The following GRIN2B variants were observed in gnomAD, a reference collection of about 807,000 sequenced individuals.
GRIN2B encodes the protein glutamate receptor ionotropic, NMDA 2B.
GRIN2B carries 5 observed loss-of-function variants against 114.5 expected under a neutral mutation model. That is an observed-to-expected ratio of 0.04 (90% CI 0.02 to 0.09). The LOEUF is 0.09. Ranked by LOEUF, GRIN2B falls within the 10% of genes least tolerant of loss-of-function variation. The pLI is 1.00. For missense variants in GRIN2B, 1,108 were observed against 1,943.5 expected (o/e 0.57, Z 8.08); for synonymous variants, 787 against 745.1 (o/e 1.06, Z -0.92).
chr12:13,600,777 G>A (rs1187507570), intron 10 of GRIN2B, among the ~76,000 whole-genome samples: 1 of 152,172 alleles, frequency 6.6e-6, no homozygotes, highest in South Asian at 2.1e-4. Context: ...AAAAGGCCTC[G>A]TAGAAGGTAG....
chr12:13,600,193 C>T (rs1351395329), intron 10 of GRIN2B, among the ~76,000 whole-genome samples: 2 of 152,074 alleles, frequency 1.3e-5, no homozygotes. Context: ...TTCTGATTAC[C>T]TCCCTCCCTC....
chr12:13,563,931 C>T lies in GRIN2B; in HGVS notation c.3307G>A (p.Asp1103Asn). 1.2e-6 allele frequency: 2 copies of T among 1,614,218 alleles called. No homozygotes were observed. The highest frequency in any genetic ancestry group is 8.5e-7 in the Non-Finnish European group (1 of 1,180,040). ...PASAKSRREF[D>N]EIELAYRRRP... ...CGACGGTAGGCCAGCTCGATCTCGT[C>T]AAACTCCCTGCGGGACTTGGCCGAG... Residue 1103 changes from aspartate to asparagine, a missense_variant, in exon 14 of 14, where the codon GAC becomes AAC. By Grantham distance (23) the Asp-to-Asn change is conservative. Transcript: ENST00000609686.
chr12:13,799,805 A>G (rs1232922345), intron 3 of GRIN2B, among the ~76,000 whole-genome samples: 1 of 152,068 alleles, frequency 6.6e-6, no homozygotes, highest in Non-Finnish European at 1.5e-5. Context: ...GGGTACAGGC[A>G]AGTTAAGGAT....
intron 2 of GRIN2B, among the ~76,000 whole-genome samples, chr12:13,893,112 C>T (rs148694189): frequency 3.2e-4 from 48 of 152,234 alleles, no homozygotes; most frequent in African/African-American, 1.1e-3. Flanking sequence ...TAGCACTTGG[C>T]CCATTATCTA....
At chr12:13,871,835 A>G (rs10845851) in intron 2 of GRIN2B, among the ~76,000 whole-genome samples, 12,176 of 152,108 alleles carry the variant, frequency 0.08, 1,419 homozygotes, top group East Asian at 0.47. Flanking sequence ...TGTGTAATAT[A>G]TAATAAAAAT....
chr12:13,774,962 C>T (rs6488619), intron 3 of GRIN2B, among the ~76,000 whole-genome samples: 125,727 of 152,124 alleles, frequency 0.83, 52,338 homozygotes, highest in African/African-American at 0.92. Flanking sequence ...AGGAAAGTTC[C>T]CATGCAGGAG....
At chr12:13,836,793 A>G (rs954795983) in intron 3 of GRIN2B, among the ~76,000 whole-genome samples, 1 of 150,048 alleles carries the variant, frequency 6.7e-6, no homozygotes, top group African/African-American at 2.4e-5. Context: ...GGGCCAAGCC[A>G]GAAGCTGAGA....
intron 2 of GRIN2B, among the ~76,000 whole-genome samples, chr12:13,932,952 C>CGTGTGTGTGT (rs5796568): frequency 3.2e-4 from 47 of 148,798 alleles, no homozygotes; most frequent in Middle Eastern, 3.5e-3. Context: ...AGGGCTTTGT[C>CGTGTGTGTGT]GTGTGTGTGT....
At chr12:13,929,350 TA>T (rs5796567) in intron 2 of GRIN2B, among the ~76,000 whole-genome samples, 143,238 of 152,144 alleles carry the variant, frequency 0.94, 67,656 homozygotes, top group East Asian at 1. Flanking sequence ...GCTGTTGCTT[TA>T]AAAAAAATAC....
chr12:13,684,441 T>C (rs1950158990), intron 4 of GRIN2B, among the ~76,000 whole-genome samples: 2 of 152,194 alleles, frequency 1.3e-5, no homozygotes. Flanking sequence ...CATTTAGCTC[T>C]ACGCACAGAA....
intron 10 of GRIN2B, among the ~76,000 whole-genome samples, chr12:13,603,728 G>A (rs563781864): frequency 2.6e-5 from 4 of 152,170 alleles, no homozygotes; most frequent in Non-Finnish European, 5.9e-5. Flanking sequence ...AATTAAATAG[G>A]AAAGTGGGGG....
At chr12:13,906,341 A>C (rs1866534018) in intron 2 of GRIN2B, among the ~76,000 whole-genome samples, 1 of 152,210 alleles carries the variant, frequency 6.6e-6, no homozygotes, top group Non-Finnish European at 1.5e-5. Flanking sequence ...CAAAGCTTAA[A>C]GTACACTGAG....
At chr12:13,960,858 G>A (rs1244556464) in intron 2 of GRIN2B, among the ~76,000 whole-genome samples, 1 of 152,190 alleles carries the variant, frequency 6.6e-6, no homozygotes, top group African/African-American at 2.4e-5. Context: ...GCAAACAAAA[G>A]ATAGACATGA....
intron 10 of GRIN2B, among the ~76,000 whole-genome samples, chr12:13,586,435 T>C (rs1000299942): frequency 4.6e-5 from 7 of 152,172 alleles, no homozygotes; most frequent in Admixed American, 2.6e-4. Flanking sequence ...CCTATGAAAA[T>C]AGAAAGTTCT....
At chr12:13,968,283 A>G (rs1490283885) in intron 2 of GRIN2B, among the ~76,000 whole-genome samples, 1 of 152,250 alleles carries the variant, frequency 6.6e-6, no homozygotes, top group Non-Finnish European at 1.5e-5. Context: ...AGCAGGATGC[A>G]GTTATTAATT....
intron 4 of GRIN2B, among the ~76,000 whole-genome samples, chr12:13,685,394 T>G (rs906582743): frequency 3.0e-4 from 45 of 152,246 alleles, no homozygotes; most frequent in African/African-American, 1.0e-3. Context: ...GTGGAAGTTA[T>G]GAAGAATTGT....
intron 3 of GRIN2B, among the ~76,000 whole-genome samples, chr12:13,829,233 T>G (rs968437614): frequency 2.0e-5 from 3 of 152,226 alleles, no homozygotes; most frequent in African/African-American, 7.2e-5. Flanking sequence ...TAGAAATTAC[T>G]ACTGTCTAAA....
intron 10 of GRIN2B, among the ~76,000 whole-genome samples, chr12:13,578,147 C>G (rs970408608): frequency 2.6e-5 from 4 of 152,102 alleles, no homozygotes; most frequent in Admixed American, 2.0e-4. Flanking sequence ...ATTAAACTCC[C>G]AGCCTCAAGC....
intron 10 of GRIN2B, among the ~76,000 whole-genome samples, chr12:13,586,391 G>T (rs1039473561): frequency 6.6e-6 from 1 of 152,068 alleles, no homozygotes; most frequent in Admixed American, 6.6e-5. Context: ...GTTATTTTAG[G>T]GTTGGTTACT....
Sources: allele counts gnomAD v4.1 joint callset (sites outside exome capture counted in the v4.1 genomes callset), GRCh38; gene constraint gnomAD v4.1.1; transcripts MANE v1.5; gene names NCBI Gene and HGNC (gene_info 2026-07-23, HGNC 2026-07-21).